The following MTNR1B variants were observed in gnomAD, a reference collection of about 807,000 sequenced individuals.
MTNR1B encodes the protein melatonin receptor type 1B.
MTNR1B carries 7 observed loss-of-function variants against 7.0 expected under a neutral mutation model. The ratio of observed to expected loss-of-function variants is 1.00; its 90% CI spans 0.57 to 1.88. The LOEUF (loss-of-function observed/expected upper bound fraction) is 1.88, where lower values mean the gene tolerates loss of function less well. MTNR1B is among the 40% of genes most tolerant of loss of function. The probability of loss-of-function intolerance (pLI) is 0.00; values close to 1 mark genes in which losing one functional copy is unlikely to be tolerated. For synonymous variants in MTNR1B, 226 were observed against 208.2 expected (o/e 1.09, Z -0.74); for missense variants, 478 against 486.5 (o/e 0.98, Z 0.16).
chr11:92,975,396 T>A (rs760607515), intron 1 of MTNR1B, among the ~76,000 whole-genome samples: 2 of 152,194 alleles, frequency 1.3e-5, no homozygotes, highest in African/African-American at 4.8e-5. Flanking sequence ...AGCAGAAATA[T>A]ATGAACTATT....
chr11:92,969,926 G>C lies in MTNR1B; in HGVS notation c.201G>C (p.Arg67Ser). Residue 67 changes from arginine (R) to serine (S), a missense_variant, in exon 1 of 2, where the codon AGG becomes AGC. Transcript: ENST00000257068. ...TCCTGGTGATCCTCTCCGTGCTCAG[G>C]AACCGCAAGCTCCGGAACGCAGGTG... Reference protein sequence around the residue: ...GNLLVILSVLRNRKLRNAGNL... With the variant: ...GNLLVILSVLSNRKLRNAGNL... The C allele has an allele frequency of 6.2e-7, 1 of 1,611,406 alleles. No individual in the cohort carries two copies. The highest frequency in any genetic ancestry group is 8.5e-7 in the Non-Finnish European group (1 of 1,179,274).
chr11:92,979,238 C>T (rs1858059090), intron 1 of MTNR1B, among the ~76,000 whole-genome samples: 1 of 152,190 alleles, frequency 6.6e-6, no homozygotes, highest in Non-Finnish European at 1.5e-5. Context: ...ATAAAATTCT[C>T]AGGAGACAAG....
At chr11:92,984,236 G>A (rs4753427), downstream of MTNR1B, among the ~76,000 whole-genome samples, 1 of 152,170 alleles carries the variant, frequency 6.6e-6, no homozygotes, top group Non-Finnish European at 1.5e-5. Context: ...GCTGTGCTTA[G>A]TCCCCTAGCC....
At chr11:92,983,952 C>T (rs1858159090), downstream of MTNR1B, among the ~76,000 whole-genome samples, 1 of 152,118 alleles carries the variant, frequency 6.6e-6, no homozygotes, top group African/African-American at 2.4e-5. Context: ...GAATGATTGC[C>T]AGAATTCAGA....
At chr11:92,974,905 T>C (rs1437902028) in intron 1 of MTNR1B, among the ~76,000 whole-genome samples, 1 of 151,932 alleles carries the variant, frequency 6.6e-6, no homozygotes, top group Non-Finnish European at 1.5e-5. Flanking sequence ...CCCGGCCTAA[T>C]TTTGTATTTT....
chr11:92,972,423 A>G (rs1382029783), intron 1 of MTNR1B: 3 of 456,120 alleles, frequency 6.6e-6, no homozygotes, highest in African/African-American at 4.0e-5. Flanking sequence ...TCCTGATGGC[A>G]GGGTGAGTGG....
downstream of MTNR1B, among the ~76,000 whole-genome samples, chr11:92,983,143 A>G (rs1858147506): frequency 6.6e-6 from 1 of 152,180 alleles, no homozygotes; most frequent in African/African-American, 2.4e-5. Flanking sequence ...ATTCTCTGGG[A>G]TAACACATCT....
In MTNR1B at chr11:92,982,641, C is replaced by T. The variant is rs1332967351; in HGVS notation, c.*329C>T. On this transcript the variant is annotated 3_prime_UTR_variant, in exon 2 of 2. Coordinates refer to ENST00000257068, the MANE Select transcript of MTNR1B (RefSeq NM_005959.5). ...CCTTCTCATAGCTGACCCTCATCCT[C>T]CTGCCTTGGCCTCCTGGCTGCTTTC... 6.5e-6 allele frequency: 2 copies of T among 308,678 alleles called. No homozygotes were observed. Among genetic ancestry groups the T allele is most frequent in the Non-Finnish European group, 1.2e-5 (2 of 167,252 alleles). The allele number at this position is 308,678 out of a possible 1,614,324, so 19.1% of individuals were successfully genotyped here. A position where few individuals can be genotyped will look rare whatever the true frequency, so the allele number is the denominator to read the frequency against.
In MTNR1B at chr11:92,981,656, A is replaced by G; in HGVS notation, c.433A>G (p.Ser145Gly). 1.9e-6 allele frequency: 3 copies of G among 1,614,072 alleles called. No individual in the cohort carries two copies. The highest frequency in any genetic ancestry group is 2.5e-6 in the Non-Finnish European group (3 of 1,180,014). The change falls in exon 2 of 2, where the codon AGC (serine) becomes GGC (glycine). Residue 145 changes from serine to glycine, a missense_variant. Transcript: ENST00000257068. ...TAACCGCTACTGCTACATCTGCCAC[A>G]GCATGGCCTACCACCGAATCTACCG... Reference protein sequence around the residue: ...AINRYCYICHSMAYHRIYRRW... With the variant: ...AINRYCYICHGMAYHRIYRRW...
In MTNR1B at chr11:92,981,781, C is replaced by G; in HGVS notation, c.558C>G (p.Arg186=). The G allele has an allele frequency of 6.2e-7, 1 of 1,614,218 alleles. No homozygotes were observed. Among genetic ancestry groups the G allele is most frequent in the Non-Finnish European group, 8.5e-7 (1 of 1,180,048 alleles). Residue 186 remains arginine (R), a synonymous_variant, in exon 2 of 2, where the codon CGC becomes CGG. Coordinates refer to ENST00000257068, the MANE Select transcript of MTNR1B (RefSeq NM_005959.5). ...FFVGSLEYDP[R]IYSCTFIQTA... ...TGGGGTCCCTGGAGTACGACCCACG[C>G]ATCTATTCCTGCACCTTCATCCAGA...
Position 92,982,037 on chromosome 11 carries a change from C to T in MTNR1B, c.814C>T (p.Leu272Phe). The T allele has an allele frequency of 6.2e-7, 1 of 1,614,232 alleles. No homozygotes were observed. Among genetic ancestry groups the T allele is most frequent in the Non-Finnish European group, 8.5e-7 (1 of 1,180,046 alleles). ...CTGGGCTCCACTTAACTGCATCGGC[C>T]TCGCTGTGGCCATCAACCCCCAAGA... ...ICWAPLNCIG[L>F]AVAINPQEMA... is the part of the protein sequence containing the mutation. The change falls in exon 2 of 2, where the codon CTC becomes TTC. Residue 272 changes from leucine to phenylalanine, a missense_variant. Leu to Phe is a conservative substitution (Grantham distance 22, BLOSUM62 0). Transcript: ENST00000257068.
Position 92,982,122 on chromosome 11 carries a change from AC to A in MTNR1B, c.900del (p.Asn300LysfsTer4). On this transcript the variant is annotated frameshift_variant, in exon 2 of 2. Transcript: ENST00000257068. LOFTEE classifies it low-confidence loss of function (END_TRUNC). Reference protein sequence around the residue: ...FVTSYLLAYFNSCLNAIVYGL... With the variant: ...FVTSYLLAYFXSCLNAIVYGL... ...ACTAGCTACTTACTGGCTTATTTCAACAGCTGCCTGAATGCCATTGTCTATG... is the reference window on the plus strand; with the variant it reads ...ACTAGCTACTTACTGGCTTATTTCAAAGCTGCCTGAATGCCATTGTCTATG... 1 of 1,614,182 alleles carries A rather than the reference AC, an allele frequency of 6.2e-7. No homozygotes were observed. The highest frequency in any genetic ancestry group is 8.5e-7 in the Non-Finnish European group (1 of 1,180,038).
intron 1 of MTNR1B, among the ~76,000 whole-genome samples, chr11:92,978,444 G>A (rs537969252): frequency 2.5e-4 from 38 of 152,240 alleles, no homozygotes; most frequent in Admixed American, 2.4e-3. Context: ...AGATGGAAAC[G>A]AGTCACGCCA....
At chr11:92,976,978 A>G (rs1858018385) in intron 1 of MTNR1B, among the ~76,000 whole-genome samples, 1 of 152,246 alleles carries the variant, frequency 6.6e-6, no homozygotes, top group Non-Finnish European at 1.5e-5. Context: ...ACCATGTTAT[A>G]TCAATGGTTG....
intron 1 of MTNR1B, chr11:92,972,608 T>C: frequency 2.2e-6 from 1 of 453,012 alleles, no homozygotes; most frequent in South Asian, 1.6e-5. Context: ...CCAAGTGTGT[T>C]CACTCTTTGC....
intron 1 of MTNR1B, among the ~76,000 whole-genome samples, chr11:92,975,807 C>T (rs1269181983): frequency 6.6e-6 from 1 of 152,150 alleles, no homozygotes; most frequent in African/African-American, 2.4e-5. Context: ...AAGTGGAGCC[C>T]ACTCCATCAA....
chr11:92,981,704 A>G lies in MTNR1B; in HGVS notation c.481A>G (p.Ile161Val), dbSNP rs1858107705. The G allele has an allele frequency of 6.2e-7, 1 of 1,614,118 alleles. No individual in the cohort carries two copies. The highest frequency in any genetic ancestry group is 8.5e-7 in the Non-Finnish European group (1 of 1,180,006). The change falls in exon 2 of 2, where the codon ATC becomes GTC. Residue 161 changes from isoleucine (I) to valine (V), a missense_variant. Physicochemically the swap from Ile to Val is conservative, Grantham distance 29. Coordinates refer to ENST00000257068, the MANE Select transcript of MTNR1B (RefSeq NM_005959.5). The stretch of plus-strand genomic sequence containing the variant: ...CCGGCGCTGGCACACCCCTCTGCAC[A>G]TCTGCCTCATCTGGCTCCTCACCGT... ...IYRRWHTPLH[I>V]CLIWLLTVVA...
At chr11:92,971,082 C>A (rs1857914448) in intron 1 of MTNR1B, among the ~76,000 whole-genome samples, 1 of 152,026 alleles carries the variant, frequency 6.6e-6, no homozygotes, top group Non-Finnish European at 1.5e-5. Flanking sequence ...GCCTCAGCCT[C>A]CCGAGTAGCT....
chr11:92,984,406 C>A (rs972865720), downstream of MTNR1B, among the ~76,000 whole-genome samples: 38 of 152,066 alleles, frequency 2.5e-4, no homozygotes, highest in Non-Finnish European at 3.5e-4. Context: ...TGTGCTCCAC[C>A]CAGGGAGACC....
Sources: gnomAD v4.1 joint callset for allele counts (sites outside exome capture counted in the v4.1 genomes callset) on GRCh38, gnomAD v4.1.1 for gene constraint, MANE v1.5 for transcripts, NCBI Gene and HGNC (gene_info 2026-07-23, HGNC 2026-07-21) for gene names.